Variants in PDE10A observed in about 807,000 individuals in gnomAD.
PDE10A encodes phosphodiesterase 10A, also known as cAMP and cAMP-inhibited cGMP 3',5'-cyclic phosphodiesterase 10A.
In PDE10A, 39 loss-of-function variants were observed where a neutral mutation model predicts 97.7. The ratio of observed to expected loss-of-function variants is 0.40; its 90% CI spans 0.31 to 0.52. The LOEUF (loss-of-function observed/expected upper bound fraction) is 0.52, where lower values mean the gene tolerates loss of function less well. Ranked by LOEUF, PDE10A falls within the 20% of genes least tolerant of loss-of-function variation. The pLI is 0.56. For missense variants in PDE10A, 731 were observed against 1,047.8 expected (o/e 0.70, Z 4.17); for synonymous variants, 371 against 376.8 (o/e 0.98, Z 0.18).
chr6:165,712,816 T>A (rs1311754832), intron 1 of PDE10A, among the ~76,000 whole-genome samples: 1 of 151,918 alleles, frequency 6.6e-6, no homozygotes, highest in Non-Finnish European at 1.5e-5. Context: ...ATTTTTTGTA[T>A]TTTTTAGTAG....
chr6:165,548,276 CTTT>C (rs57134252), intron 1 of PDE10A, among the ~76,000 whole-genome samples: 6 of 105,630 alleles, frequency 5.7e-5, no homozygotes, highest in African/African-American at 1.9e-4. Flanking sequence ...CTTTAAATCT[CTTT>C]TTTTTTTTTT....
chr6:165,971,481 T>A (rs1044921842), intron 1 of PDE10A, among the ~76,000 whole-genome samples: 2 of 152,192 alleles, frequency 1.3e-5, no homozygotes, highest in Non-Finnish European at 2.9e-5. Context: ...CTCTTGCCCA[T>A]CATCCATTGC....
chr6:165,642,425 T>C (rs1166957672), intron 1 of PDE10A, among the ~76,000 whole-genome samples: 1 of 152,148 alleles, frequency 6.6e-6, no homozygotes, highest in African/African-American at 2.4e-5. Flanking sequence ...AGGCTGTATT[T>C]AGGAGGGACA....
chr6:165,684,954 T>C (rs1791074757), intron 1 of PDE10A, among the ~76,000 whole-genome samples: 1 of 152,218 alleles, frequency 6.6e-6, no homozygotes, highest in Non-Finnish European at 1.5e-5. Flanking sequence ...CTTAAAGTTA[T>C]ATGAATGGCC....
chr6:165,416,606 A>T (rs1788332144), intron 11 of PDE10A, among the ~76,000 whole-genome samples: 1 of 152,126 alleles, frequency 6.6e-6, no homozygotes, highest in African/African-American at 2.4e-5. Context: ...TTCAACATAA[A>T]TTTTTTTAGT....
intron 10 of PDE10A, among the ~76,000 whole-genome samples, chr6:165,422,800 A>G (rs1562451541): frequency 6.6e-6 from 1 of 152,158 alleles, no homozygotes; most frequent in Non-Finnish European, 1.5e-5. Context: ...TTAAAACTAT[A>G]CTAAAACTGT....
At chr6:165,545,242 G>A (rs999096507) in intron 1 of PDE10A, 5 of 492,850 alleles carry the variant, frequency 1.0e-5, no homozygotes, top group African/African-American at 4.0e-5. Flanking sequence ...CCATAATGAC[G>A]ACACCAAAAT....
At chr6:165,788,805 T>C (rs1429130554) in intron 1 of PDE10A, among the ~76,000 whole-genome samples, 1 of 152,192 alleles carries the variant, frequency 6.6e-6, no homozygotes, top group African/African-American at 2.4e-5. Flanking sequence ...TGTTACTTTG[T>C]ATGCAGCCAT....
chr6:165,514,317 C>T (rs1253594530), intron 2 of PDE10A, among the ~76,000 whole-genome samples: 1 of 152,110 alleles, frequency 6.6e-6, no homozygotes, highest in African/African-American at 2.4e-5. Context: ...TGCTTTTCTT[C>T]CTTCTCTATT....
intron 18 of PDE10A, among the ~76,000 whole-genome samples, chr6:165,344,354 G>A (rs1390997626): frequency 6.6e-6 from 1 of 152,126 alleles, no homozygotes; most frequent in Non-Finnish European, 1.5e-5. Flanking sequence ...TACAACTTTA[G>A]CTTTTGTAAA....
chr6:165,920,030 C>T (rs1237230885), intron 1 of PDE10A, among the ~76,000 whole-genome samples: 1 of 152,194 alleles, frequency 6.6e-6, no homozygotes, highest in Admixed American at 6.5e-5. Context: ...ATACTCTAGT[C>T]AGCAAACTAC....
intron 1 of PDE10A, among the ~76,000 whole-genome samples, chr6:165,588,192 C>G (rs1233833327): frequency 6.6e-6 from 1 of 151,780 alleles, no homozygotes; most frequent in African/African-American, 2.4e-5. Flanking sequence ...AAAATACTCT[C>G]CTTTCCCATC....
intron 1 of PDE10A, among the ~76,000 whole-genome samples, chr6:165,838,281 A>G (rs55730317): frequency 0.064 from 9,711 of 152,310 alleles, 443 homozygotes; most frequent in African/African-American, 0.13. Flanking sequence ...TGGCCAAAAC[A>G]AAGTGAAGCC....
intron 17 of PDE10A, among the ~76,000 whole-genome samples, chr6:165,384,218 T>G (rs1182822032): frequency 6.6e-6 from 1 of 152,008 alleles, no homozygotes; most frequent in Admixed American, 6.6e-5. Flanking sequence ...CAAAATACGA[T>G]GAAGGCTGAA....
rs1782105114 is a variant in PDE10A, at chr6:165,343,475, A to G, written c.2811T>C (p.Thr937=). 1.9e-6 allele frequency: 3 copies of G among 1,613,944 alleles called. No individual in the cohort carries two copies. The East Asian group carries it at 6.7e-5, about 36-fold the overall frequency. The part of the protein sequence containing the change: ...HRDRVIGLMM[T]ACDLCSVTKL... ...TTGTCACAGAACAAAGGTCACAGGC[A>G]GTCATCATCAAACCAATTACACGGT... Residue 937 remains threonine (T), a synonymous_variant, in exon 19 of 22, where the codon ACT becomes ACC. Transcript: ENST00000539869.
At chr6:165,740,422 C>T (rs377233182) in intron 1 of PDE10A, among the ~76,000 whole-genome samples, 10 of 152,052 alleles carry the variant, frequency 6.6e-5, no homozygotes, top group Non-Finnish European at 1.0e-4. Flanking sequence ...CCTCCGTCCC[C>T]CAGGTTCAAG....
intron 1 of PDE10A, among the ~76,000 whole-genome samples, chr6:165,677,314 C>T (rs1359498178): frequency 1.3e-5 from 2 of 152,206 alleles, no homozygotes; most frequent in African/African-American, 4.8e-5. Context: ...CCCTGGGCCT[C>T]CAGCCTGCCC....
intron 1 of PDE10A, among the ~76,000 whole-genome samples, chr6:165,786,904 C>T (rs953457092): frequency 6.6e-6 from 1 of 152,112 alleles, no homozygotes; most frequent in African/African-American, 2.4e-5. Context: ...CAAATCTTCA[C>T]ATATAACAAT....
intron 1 of PDE10A, among the ~76,000 whole-genome samples, chr6:165,802,741 T>G (rs1779016108): frequency 6.6e-6 from 1 of 152,182 alleles, no homozygotes; most frequent in Admixed American, 6.5e-5. Flanking sequence ...TCTCCTTACT[T>G]TCAGTCAAAA....
Sources: allele counts gnomAD v4.1 joint callset (sites outside exome capture counted in the v4.1 genomes callset), GRCh38; gene constraint gnomAD v4.1.1; transcripts MANE v1.5; gene names NCBI Gene and HGNC (gene_info 2026-07-23, HGNC 2026-07-21).